FAM171A1: variants seen among roughly 807,000 people sequenced by gnomAD.
FAM171A1 encodes the protein family with sequence similarity 171 member A1, also known as protein FAM171A1.
FAM171A1 carries 23 observed loss-of-function variants against 74.9 expected under a neutral mutation model. The ratio of observed to expected loss-of-function variants is 0.31; its 90% CI spans 0.22 to 0.44. The LOEUF is 0.44. Among genes scored for constraint, FAM171A1 ranks in the 20% least tolerant of loss-of-function variants. FAM171A1 has a pLI of 1.00. For missense variants in FAM171A1, 1,162 were observed against 1,159.2 expected (o/e 1.00, Z -0.03); for synonymous variants, 527 against 505.7 (o/e 1.04, Z -0.57).
intron 5 of FAM171A1, among the ~76,000 whole-genome samples, chr10:15,233,436 G>A (rs935529031): frequency 6.6e-6 from 1 of 152,010 alleles, no homozygotes; most frequent in Admixed American, 6.6e-5. Flanking sequence ...ACAAATACGT[G>A]TACATGGCGT....
chr10:15,237,780 C>T (rs1021267373), intron 5 of FAM171A1: 6 of 72,796 alleles, frequency 8.2e-5, no homozygotes, highest in Non-Finnish European at 1.7e-4. Context: ...TACATTACCC[C>T]CTTTTCCCCT....
rs573353510 is a variant in FAM171A1 at position 15,238,982 on chromosome 10, G to A, written c.754+9657C>T. On this transcript the variant is annotated intron_variant, in intron 5 of 7. Transcript: ENST00000378116. Reference sequence around the variant, plus strand: ...CCGTAAATCTTTATTTATTCTTTTTGCCACTTGATGTCCATCGCTTTAAAT... The same window carrying A: ...CCGTAAATCTTTATTTATTCTTTTTACCACTTGATGTCCATCGCTTTAAAT... Among the ~76,000 whole-genome samples the A allele has an allele frequency of 9.9e-4, 151 of 152,096 alleles. 1 individual carries two copies. Among genetic ancestry groups the A allele is most frequent in the African/African-American group, 3.6e-3 (149 of 41,516 alleles).
chr10:15,297,205 C>A (rs1835172502), intron 1 of FAM171A1, among the ~76,000 whole-genome samples: 1 of 151,898 alleles, frequency 6.6e-6, no homozygotes, highest in Non-Finnish European at 1.5e-5. Flanking sequence ...ATTACAGGAG[C>A]ACACCACCAC....
chr10:15,241,108 TC>T (rs1834359438), intron 5 of FAM171A1: 1 of 152,208 alleles, frequency 6.6e-6, no homozygotes, highest in Admixed American at 6.6e-5. Context: ...TGAACAGAAG[TC>T]CCATCAAACC....
In FAM171A1 at chr10:15,218,714, C is replaced by T. The variant is rs578102345; in HGVS notation, c.871+2230G>A. Reference sequence around the variant, plus strand: ...AGCTCACGGGATCCTCCTGCCTCAACCTCTCAAGTAACCGGGATTACAGGT... The same window carrying T: ...AGCTCACGGGATCCTCCTGCCTCAATCTCTCAAGTAACCGGGATTACAGGT... On this transcript the variant is annotated intron_variant, in intron 6 of 7. Transcript: ENST00000378116. Among the ~76,000 whole-genome samples the T allele has an allele frequency of 1.3e-4, 20 of 152,188 alleles. No individual in the cohort carries two copies. In the South Asian group the frequency reaches 3.7e-3, roughly 28 times the overall value.
chr10:15,307,997 A>C (rs1478482481), intron 1 of FAM171A1, among the ~76,000 whole-genome samples: 1 of 152,022 alleles, frequency 6.6e-6, no homozygotes, highest in Non-Finnish European at 1.5e-5. Context: ...TTTTTTGTAG[A>C]GATGAGGTCT....
intron 1 of FAM171A1, among the ~76,000 whole-genome samples, chr10:15,345,522 G>T (rs977990360): frequency 6.6e-6 from 1 of 152,174 alleles, no homozygotes; most frequent in African/African-American, 2.4e-5. Flanking sequence ...ATAAAGGCAG[G>T]GTGGCCGGGG....
chr10:15,215,705 C>T (rs1055207320), intron 7 of FAM171A1, among the ~76,000 whole-genome samples: 1 of 152,266 alleles, frequency 6.6e-6, no homozygotes. Context: ...AGAGTATCAT[C>T]TCTTAATCAG....
chr10:15,360,554 T>G (rs1378917807), intron 1 of FAM171A1, among the ~76,000 whole-genome samples: 2 of 152,216 alleles, frequency 1.3e-5, no homozygotes, highest in African/African-American at 4.8e-5. Flanking sequence ...GGGCTGAGCT[T>G]GTCATGACCA....
intron 5 of FAM171A1, 72 bp downstream of exon 5, chr10:15,248,567 C>T: frequency 6.8e-7 from 1 of 1,475,968 alleles, no homozygotes; most frequent in Non-Finnish European, 9.1e-7. Flanking sequence ...CTTCCATGAG[C>T]TTCTTAGAAG....
In FAM171A1 at chr10:15,213,056, C is replaced by A. The variant is rs776897004; in HGVS notation, c.2532G>T (p.Ser844=). Residue 844 remains serine (S), a synonymous_variant, in exon 8 of 8, where the codon TCG becomes TCT. Transcript: ENST00000378116. This position sits in a 1 kb window ranked among gnomAD's most constrained non-coding sequence, Gnocchi z 6.8. ...ETTRRTADAP[S]EPAASPHQRR... ...TCTGGTGGGGGCTGGCTGCTGGCTC[C>A]GAGGGGGCATCCGCAGTCCGTCTGG... 1 of 1,613,602 alleles carries A rather than the reference C, an allele frequency of 6.2e-7. No homozygotes were observed. The highest frequency in any genetic ancestry group is 1.3e-5 in the African/African-American group (1 of 74,850).
At chr10:15,347,192 CA>C (rs1835826141) in intron 1 of FAM171A1, among the ~76,000 whole-genome samples, 2 of 152,094 alleles carry the variant, frequency 1.3e-5, no homozygotes, top group South Asian at 4.1e-4. Flanking sequence ...GCCATTTGCA[CA>C]ATACTAAAAG....
intron 6 of FAM171A1, among the ~76,000 whole-genome samples, chr10:15,218,213 G>T (rs1254313891): frequency 1.3e-5 from 2 of 152,000 alleles, no homozygotes; most frequent in Non-Finnish European, 2.9e-5. Context: ...CTGAGTACCT[G>T]GGACTACAGG....
At chr10:15,302,964 G>A (rs543277100) in intron 1 of FAM171A1, among the ~76,000 whole-genome samples, 22 of 152,286 alleles carry the variant, frequency 1.4e-4, no homozygotes, top group Admixed American at 5.9e-4. Context: ...CGAGGTAGGC[G>A]GATTACCTGA....
intron 3 of FAM171A1, among the ~76,000 whole-genome samples, chr10:15,263,780 TATCTATCA>T (rs1834696962): frequency 6.6e-6 from 1 of 151,146 alleles, no homozygotes; most frequent in Non-Finnish European, 1.5e-5. Flanking sequence ...TCTATCTATC[TATCTATCA>T]TCTATCCATC....
chr10:15,261,223 G>T (rs867410209), intron 3 of FAM171A1, among the ~76,000 whole-genome samples: 16 of 152,208 alleles, frequency 1.1e-4, no homozygotes, highest in African/African-American at 3.1e-4. Flanking sequence ...AAAACCAAGG[G>T]TTGCCACCTG....
At chr10:15,239,997 G>A in intron 5 of FAM171A1, among the ~76,000 whole-genome samples, 1 of 152,180 alleles carries the variant, frequency 6.6e-6, no homozygotes, top group African/African-American at 2.4e-5. Context: ...TGGATTTTGG[G>A]GCATTTCAAA....
At chr10:15,304,126 T>C (rs1835265376) in intron 1 of FAM171A1, among the ~76,000 whole-genome samples, 1 of 152,240 alleles carries the variant, frequency 6.6e-6, no homozygotes, top group Non-Finnish European at 1.5e-5. Flanking sequence ...TTGGATGTGC[T>C]ATAATCCTCA....
At chr10:15,354,604 C>A (rs968049433) in intron 1 of FAM171A1, among the ~76,000 whole-genome samples, 4 of 152,128 alleles carry the variant, frequency 2.6e-5, no homozygotes, top group African/African-American at 4.8e-5. Flanking sequence ...GCACCGAGTC[C>A]GATCTGTAAG....
Sources: gnomAD v4.1 joint callset for allele counts (sites outside exome capture counted in the v4.1 genomes callset) on GRCh38, gnomAD v4.1.1 for gene constraint, Gnocchi (gnomAD v3.1) non-coding constraint, MANE v1.5 for transcripts, NCBI Gene and HGNC (gene_info 2026-07-23, HGNC 2026-07-21) for gene names.